PCNX4: variants seen among roughly 807,000 people sequenced by gnomAD.
PCNX4 encodes pecanex 4.
Under a neutral mutation model 107.2 loss-of-function variants are expected in PCNX4, and 103 were observed. That is an observed-to-expected ratio of 0.96 (90% confidence interval 0.82 to 1.13). PCNX4 has a LOEUF of 1.13. Ranked by LOEUF, PCNX4 falls within the 50% of genes most tolerant of loss-of-function variation. The pLI is 0.00. For missense variants in PCNX4, 1,528 were observed against 1,379.4 expected (o/e 1.11, Z -1.71); for synonymous variants, 541 against 481.7 (o/e 1.12, Z -1.61).
chr14:60,123,780 C>G (rs1162104626), intron 8 of PCNX4, among the ~76,000 whole-genome samples: 1 of 152,064 alleles, frequency 6.6e-6, no homozygotes, highest in Non-Finnish European at 1.5e-5. Context: ...TCTGGCACAT[C>G]CATACACTGA....
At chr14:60,131,544 T>C (rs1896154742) in intron 10 of PCNX4, among the ~76,000 whole-genome samples, 4 of 152,296 alleles carry the variant, frequency 2.6e-5, no homozygotes, top group Admixed American at 6.5e-5. Context: ...TACAAAACAT[T>C]GTTAAAAGAG....
rs374433271 is a variant in PCNX4, at chr14:60,118,342, G to A, written c.1592G>A (p.Arg531His). 6.8e-6 allele frequency: 11 copies of A among 1,609,780 alleles called. No individual in the cohort carries two copies. Among genetic ancestry groups the A allele is most frequent in the South Asian group, 2.2e-5 (2 of 90,734 alleles). Residue 531 changes from arginine (R) to histidine (H), a missense_variant, in exon 7 of 11, where the codon CGT (arginine) becomes CAT (histidine). Coordinates refer to ENST00000406854, the MANE Select transcript of PCNX4 (RefSeq NM_001330177.2). ...ACATTTCTACAGGTTGGTATCATAC[G>A]TGATCGTTTGATTCAGTTCATCTCT... ...GLRLLLVGII[R>H]DRLIQFISKL...
chr14:60,094,211 A>G (rs184406466), intron 1 of PCNX4, among the ~76,000 whole-genome samples: 1 of 152,270 alleles, frequency 6.6e-6, no homozygotes, highest in East Asian at 1.9e-4. Flanking sequence ...TGTCTTGTGA[A>G]AGGGTACTGG....
At chr14:60,123,891 T>G (rs1895999210) in intron 8 of PCNX4, among the ~76,000 whole-genome samples, 2 of 152,140 alleles carry the variant, frequency 1.3e-5, no homozygotes, top group South Asian at 4.1e-4. Context: ...AGGATTATAA[T>G]TTAAAAGTTT....
At chr14:60,127,978 CAGT>C (rs1212937886) in intron 10 of PCNX4, among the ~76,000 whole-genome samples, 1 of 152,002 alleles carries the variant, frequency 6.6e-6, no homozygotes, top group Non-Finnish European at 1.5e-5. Flanking sequence ...AGGGGCTCAA[CAGT>C]AGATTTAAAC....
At chr14:60,114,932 T>C (rs747738506) in intron 3 of PCNX4, 42 bp from the exon 4 acceptor site, 1 of 1,544,194 alleles carries the variant, frequency 6.5e-7, no homozygotes, top group East Asian at 2.3e-5. Context: ...AGAACATTTT[T>C]CTTTTCAAGT....
chr14:60,115,375 A>T lies in PCNX4; in HGVS notation c.1271A>T (p.Lys424Met). The T allele has an allele frequency of 6.3e-7, 1 of 1,597,656 alleles. No individual in the cohort carries two copies. The highest frequency in any genetic ancestry group is 8.5e-7 in the Non-Finnish European group (1 of 1,172,206). ...ATTTTCCGAAATCCCTTTTATCCGA[A>T]GGATGTGCAAACTGTGACTGTATTC... ...IGIFRNPFYP[K>M]DVQTVTVFFE... Residue 424 changes from lysine to methionine, a missense_variant, in exon 4 of 11, where the codon AAG becomes ATG. Coordinates refer to ENST00000406854, the MANE Select transcript of PCNX4 (RefSeq NM_001330177.2).
chr14:60,124,654 A>C lies in PCNX4; in HGVS notation c.2483A>C (p.Asp828Ala). 1 of 1,613,718 alleles carries C rather than the reference A, an allele frequency of 6.2e-7. No individual in the cohort carries two copies. The highest frequency in any genetic ancestry group is 1.1e-5 in the South Asian group (1 of 91,062). The change falls in exon 9 of 11, where the codon GAT (aspartate) becomes GCT (alanine). Residue 828 changes from aspartate (D) to alanine (A), a missense_variant. Transcript: ENST00000406854. ...FNDWSDDNIF[D>A]DEPTIKKVIE... ...GACTGGTCTGATGATAATATTTTTG[A>C]TGATGAGCCAACTATCAAAAAAGTA...
rs778337982 is a variant in PCNX4, at chr14:60,115,048, TTCTTTTCATGAC to T, written c.946_957del (p.Leu316_Thr319del). 1 of 1,613,900 alleles carries T rather than the reference TTCTTTTCATGAC, an allele frequency of 6.2e-7. No homozygotes were observed. The highest frequency in any genetic ancestry group is 2.2e-5 in the East Asian group (1 of 44,872). On this transcript the variant is annotated inframe_deletion, in exon 4 of 11. Transcript: ENST00000406854. The stretch of plus-strand genomic sequence containing the variant: ...TTCATTCCAAGCACTGTTGGTGTGG[TTCTTTTCATGAC>T]TGGATTTGGTTTCTTGCTGAGTCTG...
chr14:60,115,940 G>C lies in PCNX4; in HGVS notation c.1459-1G>C, dbSNP rs774464523. ...AAAAATGGATAATTTGTATACTGCAGGTATGGCAGAATACAGAAAATGCTT... is the reference window on the plus strand; with the variant it reads ...AAAAATGGATAATTTGTATACTGCACGTATGGCAGAATACAGAAAATGCTT... On this transcript the variant is annotated splice_acceptor_variant, in intron 5 of 10. Transcript: ENST00000406854. LOFTEE classifies it high-confidence loss of function. The C allele has an allele frequency of 1.9e-6, 3 of 1,608,268 alleles. No homozygotes were observed. Among genetic ancestry groups the C allele is most frequent in the Non-Finnish European group, 2.6e-6 (3 of 1,176,444 alleles).
intron 8 of PCNX4, 135 bp from the exon 9 acceptor site, chr14:60,124,083 C>G: frequency 3.0e-6 from 2 of 660,166 alleles, no homozygotes; most frequent in Non-Finnish European, 4.8e-6. Context: ...CAGGATGTTG[C>G]TCTTGAGTTA....
At position 60,108,093 on chromosome 14, in the gene PCNX4, G is replaced by A; in HGVS notation, c.455G>A (p.Gly152Asp). ...FHSILAGLAC[G>D]LGTWYLLPNR... Reference sequence around the variant, plus strand: ...TCTATTCTTGCTGGATTAGCGTGTGGTCTTGGAACATGGTATCTGCTCCCA... The same window carrying A: ...TCTATTCTTGCTGGATTAGCGTGTGATCTTGGAACATGGTATCTGCTCCCA... The change falls in exon 2 of 11, where the codon GGT becomes GAT. Residue 152 changes from glycine to aspartate, a missense_variant. Coordinates refer to ENST00000406854, the MANE Select transcript of PCNX4 (RefSeq NM_001330177.2). 1 of 1,612,814 alleles carries A rather than the reference G, an allele frequency of 6.2e-7. No homozygotes were observed. The highest frequency in any genetic ancestry group is 8.5e-7 in the Non-Finnish European group (1 of 1,179,850).
Position 60,134,094 on chromosome 14 carries a change from A to G in PCNX4, c.3392A>G (p.Asp1131Gly), listed in dbSNP as rs1478521947. Residue 1131 changes from aspartate to glycine, a missense_variant, in exon 11 of 11, where the codon GAT becomes GGT. By Grantham distance (94) the Asp-to-Gly change is moderately conservative (BLOSUM62 -1). Transcript: ENST00000406854. ...TGGGAATTACTTTATGCCACAAACGATGATGAAGAACGTTATAGTATACAA... is the reference window on the plus strand; with the variant it reads ...TGGGAATTACTTTATGCCACAAACGGTGATGAAGAACGTTATAGTATACAA... ...LSWELLYATNDDEERYSIQAH... is the reference protein window; with the variant it reads ...LSWELLYATNGDEERYSIQAH... The G allele has an allele frequency of 2.5e-6, 4 of 1,613,862 alleles. No homozygotes were observed. The Admixed American group carries it at 5.0e-5, about 20-fold the overall frequency.
intron 1 of PCNX4, among the ~76,000 whole-genome samples, chr14:60,093,068 A>G (rs1895339686): frequency 6.6e-6 from 1 of 152,166 alleles, no homozygotes; most frequent in Non-Finnish European, 1.5e-5. Flanking sequence ...GACCTTTAGC[A>G]TAGCATCCAG....
chr14:60,115,478 T>G lies in PCNX4; in HGVS notation c.1357+17T>G. On this transcript the variant is annotated intron_variant, in intron 4 of 10. Transcript: ENST00000406854. ...TAACTTTAGGTAGGAAGATAAAGTC[T>G]ATTAACCTTGTGTTACAAATCATAT... 1 of 1,512,006 alleles carries G rather than the reference T, an allele frequency of 6.6e-7. No homozygotes were observed. The highest frequency in any genetic ancestry group is 1.3e-5 in the South Asian group (1 of 74,194). 93.7% of individuals were successfully genotyped at this position (1,512,006 alleles called of 1,614,324 possible). A position where few individuals can be genotyped will look rare whatever the true frequency, so the allele number is the denominator to read the frequency against.
chr14:60,100,535 G>A (rs1465038061), intron 1 of PCNX4, among the ~76,000 whole-genome samples: 1 of 152,202 alleles, frequency 6.6e-6, no homozygotes, highest in Non-Finnish European at 1.5e-5. Context: ...CCGACCTCAG[G>A]TGATCTGCCC....
At position 60,137,503 on chromosome 14, in the gene PCNX4, A is replaced by G. The variant is rs1263227638; in HGVS notation, c.*3282A>G. 2 of 152,214 alleles carry G rather than the reference A, an allele frequency of 1.3e-5. No individual in the cohort carries two copies. The highest frequency in any genetic ancestry group is 2.9e-5 in the Non-Finnish European group (2 of 68,030). 9.4% of individuals were successfully genotyped at this position (152,214 alleles called of 1,614,324 possible). ...CAGAGCAAATGTAAATCCTCTCTGG[A>G]CTGATCTTTTGAGTTATTTTTATAA... On this transcript the variant is annotated 3_prime_UTR_variant, in exon 11 of 11. Transcript: ENST00000406854.
In PCNX4 at chr14:60,144,982, T is replaced by G. The variant is rs529650700; in HGVS notation, c.*10761T>G. The stretch of plus-strand genomic sequence containing the variant: ...GTGCTCTTTTCAGTCATGTTTTGTC[T>G]TAAAGATTTTAAAATAAGAAGAGTC... On this transcript the variant is annotated 3_prime_UTR_variant, in exon 11 of 11. Transcript: ENST00000406854. The G allele has an allele frequency of 2.5e-6, 4 of 1,603,002 alleles. No individual in the cohort carries two copies. The South Asian group carries it at 4.6e-5, about 18-fold the overall frequency.
At position 60,145,042 on chromosome 14, in the gene PCNX4, A is replaced by C; in HGVS notation, c.*10821A>C. ...TAAAAGAGGGACAGAAACATGGATC[A>C]GTACCTACTCCTATTTACTCCAGTT... is the stretch of plus-strand genomic sequence containing the variant. On this transcript the variant is annotated 3_prime_UTR_variant, in exon 11 of 11. Transcript: ENST00000406854. This position sits in a 1 kb window ranked among gnomAD's most constrained non-coding sequence, Gnocchi z 4.0. 6.5e-7 allele frequency: 1 copy of C among 1,526,832 alleles called. No individual in the cohort carries two copies. The highest frequency in any genetic ancestry group is 2.3e-5 in the East Asian group (1 of 43,238). 94.6% of individuals were successfully genotyped at this position (1,526,832 alleles called of 1,614,324 possible). A position where few individuals can be genotyped will look rare whatever the true frequency, so the allele number is the denominator to read the frequency against.
Sources: allele counts gnomAD v4.1 joint callset (sites outside exome capture counted in the v4.1 genomes callset), GRCh38; gene constraint gnomAD v4.1.1; non-coding constraint Gnocchi (gnomAD v3.1); transcripts MANE v1.5; gene names NCBI Gene and HGNC (gene_info 2026-07-23, HGNC 2026-07-21).